Variants in EPYC observed in about 807,000 individuals in gnomAD.
EPYC encodes dermatan sulfate proteoglycan 3.
In EPYC, 28 loss-of-function variants were observed where a neutral mutation model predicts 30.1. That is an observed-to-expected ratio of 0.93 (90% CI 0.69 to 1.28). EPYC has a LOEUF of 1.28. EPYC is among the 50% of genes most tolerant of loss of function. The pLI, the probability that EPYC is intolerant of heterozygous loss-of-function variation, is 0.00. For missense variants in EPYC, 382 were observed against 383.5 expected, an observed-to-expected ratio of 1.00 and a Z score of 0.03; for synonymous variants, 144 against 141.4, an observed-to-expected ratio of 1.02 and a Z score of -0.13.
chr12:90,985,826 A>C (rs1411605330), intron 2 of EPYC, among the ~76,000 whole-genome samples: 1 of 152,044 alleles, frequency 6.6e-6, no homozygotes, highest in Non-Finnish European at 1.5e-5. Flanking sequence ...AGCTCATGTC[A>C]TCACCCTCAC....
chr12:90,989,356 T>A (rs1877528574), intron 2 of EPYC, among the ~76,000 whole-genome samples: 1 of 152,070 alleles, frequency 6.6e-6, no homozygotes, highest in Admixed American at 6.6e-5. Context: ...TAAATCTCAG[T>A]TTTTACTAAC....
chr12:90,969,645 A>G (rs1234369123), intron 6 of EPYC, among the ~76,000 whole-genome samples: 1 of 151,882 alleles, frequency 6.6e-6, no homozygotes, highest in Non-Finnish European at 1.5e-5. Context: ...ACAGGCTGAA[A>G]CTGATGTTTT....
intron 3 of EPYC, among the ~76,000 whole-genome samples, chr12:90,974,163 A>G (rs1877126661): frequency 6.6e-6 from 1 of 151,992 alleles, no homozygotes; most frequent in African/African-American, 2.4e-5. Flanking sequence ...TAATGATCAG[A>G]GGAAAGGAGG....
intron 2 of EPYC, among the ~76,000 whole-genome samples, chr12:90,986,641 G>A (rs1478084268): frequency 6.6e-6 from 1 of 152,122 alleles, no homozygotes; most frequent in Non-Finnish European, 1.5e-5. Context: ...ACACGGTGGA[G>A]GGGAGGGGAA....
chr12:91,004,076 A>T (rs188850582), intron 1 of EPYC, among the ~76,000 whole-genome samples: 30 of 152,242 alleles, frequency 2.0e-4, no homozygotes, highest in South Asian at 1.4e-3. Flanking sequence ...ACAAAGTCCT[A>T]CTTAATAAAA....
chr12:90,997,293 T>C (rs1477519380), intron 2 of EPYC, among the ~76,000 whole-genome samples: 1 of 151,934 alleles, frequency 6.6e-6, no homozygotes, highest in Non-Finnish European at 1.5e-5. Context: ...TAAGGCTACG[T>C]TAATTAATGT....
At chr12:90,991,332 G>A (rs1261996278) in intron 2 of EPYC, among the ~76,000 whole-genome samples, 1 of 152,272 alleles carries the variant, frequency 6.6e-6, no homozygotes, top group African/African-American at 2.4e-5. Flanking sequence ...AATTAGGGAA[G>A]ATCCAATGAA....
intron 2 of EPYC, among the ~76,000 whole-genome samples, chr12:90,988,516 A>C (rs1877506020): frequency 6.6e-6 from 1 of 152,120 alleles, no homozygotes; most frequent in Non-Finnish European, 1.5e-5. Flanking sequence ...GGATCTCATC[A>C]TGGGCTAGAT....
At chr12:90,987,491 G>A (rs766543499) in intron 2 of EPYC, among the ~76,000 whole-genome samples, 5 of 152,182 alleles carry the variant, frequency 3.3e-5, no homozygotes, top group Non-Finnish European at 7.3e-5. Flanking sequence ...CACATTTCAT[G>A]TGTCTTTCTT....
intron 1 of EPYC, 55 bp downstream of exon 1, chr12:91,004,892 T>C (rs1470391695): frequency 6.6e-6 from 1 of 152,058 alleles, no homozygotes; most frequent in Non-Finnish European, 1.5e-5. Context: ...TTTTAAAGGT[T>C]GTTATAGTAG....
chr12:90,969,475 TG>T, intron 6 of EPYC, among the ~76,000 whole-genome samples: 1 of 151,740 alleles, frequency 6.6e-6, no homozygotes, highest in East Asian at 1.9e-4. Context: ...AAAGATAACA[TG>T]TAGCTTAATG....
chr12:90,994,980 G>A lies in EPYC; in HGVS notation c.165+7421C>T, dbSNP rs116823692. On this transcript the variant is annotated intron_variant, in intron 2 of 6. Transcript: ENST00000261172. Reference sequence around the variant, plus strand: ...ACGGCAACAATTGACTTCTAAAGGCGTTAAAAGGCTCTGCACTGTTTGGCC... The same window carrying A: ...ACGGCAACAATTGACTTCTAAAGGCATTAAAAGGCTCTGCACTGTTTGGCC... Among the ~76,000 whole-genome samples, 163 of 152,170 alleles carry A rather than the reference G, an allele frequency of 1.1e-3. 2 individuals carry two copies. Among genetic ancestry groups the A allele is most frequent in the African/African-American group, 3.5e-3 (147 of 41,540 alleles).
At chr12:90,979,767 G>A (rs1236241894) in intron 2 of EPYC, among the ~76,000 whole-genome samples, 1 of 152,072 alleles carries the variant, frequency 6.6e-6, no homozygotes, top group Non-Finnish European at 1.5e-5. Context: ...CCTCTAGGCT[G>A]TAAGCATAAT....
Position 90,983,434 on chromosome 12 carries a change from G to C in EPYC, c.166-5172C>G, listed in dbSNP as rs938782882. The stretch of plus-strand genomic sequence containing the variant: ...CAACTAGTGCGGCTGCCAGACTAAA[G>C]ACATGGGTGTCAGGCTTTCTGGGAA... On this transcript the variant is annotated intron_variant, in intron 2 of 6. Coordinates refer to ENST00000261172, the MANE Select transcript of EPYC (RefSeq NM_004950.5). Among the ~76,000 whole-genome samples, 38 of 152,158 alleles carry C rather than the reference G, an allele frequency of 2.5e-4. 1 individual carries two copies. The highest frequency in any genetic ancestry group is 1.1e-3 in the Admixed American group (17 of 15,278).
chr12:90,984,705 C>T (rs1335580854), intron 2 of EPYC, among the ~76,000 whole-genome samples: 6 of 152,112 alleles, frequency 3.9e-5, no homozygotes, highest in East Asian at 3.9e-4. Context: ...AGCTTACCTC[C>T]GTATCCTAAC....
At position 90,970,960 on chromosome 12, in the gene EPYC, A is replaced by T. The variant is rs529771896; in HGVS notation, c.703-821T>A. On this transcript the variant is annotated intron_variant, in intron 5 of 6. Transcript: ENST00000261172. The stretch of plus-strand genomic sequence containing the variant: ...AAAGCCAGTTGGTTACTGTTCTCAG[A>T]CCCTATGCTGTTTTTCAAAGCAAGT... 2.6e-5 allele frequency among the ~76,000 whole-genome samples: 4 copies of T among 152,290 alleles called. No individual in the cohort carries two copies. The East Asian group carries it at 7.7e-4, about 29-fold the overall frequency.
intron 3 of EPYC, among the ~76,000 whole-genome samples, chr12:90,974,964 T>C (rs1419874063): frequency 1.3e-5 from 2 of 152,104 alleles, no homozygotes; most frequent in African/African-American, 4.8e-5. Context: ...TTTATAACAT[T>C]GAAAGACACT....
intron 3 of EPYC, among the ~76,000 whole-genome samples, chr12:90,975,687 T>C (rs1050900464): frequency 5.3e-5 from 8 of 152,130 alleles, no homozygotes; most frequent in Admixed American, 5.2e-4. Context: ...ATACAGGTAC[T>C]GATACAAGAT....
Position 90,993,218 on chromosome 12 carries a change from TC to T in EPYC, c.165+9182del, listed in dbSNP as rs1448568981. 3.9e-5 allele frequency among the ~76,000 whole-genome samples: 6 copies of T among 152,156 alleles called. No individual in the cohort carries two copies. The South Asian group carries it at 1.2e-3, about 32-fold the overall frequency. ...TAATTGACTATCAATTGCATACATT[TC>T]ATTTTGCCCCTGCATGAACAAAGAT... On this transcript the variant is annotated intron_variant, in intron 2 of 6. Transcript: ENST00000261172.
Sources: gnomAD v4.1 joint callset for allele counts (sites outside exome capture counted in the v4.1 genomes callset) on GRCh38, gnomAD v4.1.1 for gene constraint, MANE v1.5 for transcripts, NCBI Gene and HGNC (gene_info 2026-07-23, HGNC 2026-07-21) for gene names.